Variants in PHF24 observed in about 807,000 individuals in gnomAD.
PHF24 encodes Galpha inhibitory interacting protein.
Under a neutral mutation model 42.6 loss-of-function variants are expected in PHF24, and 25 were observed. The observed-to-expected ratio is 0.59, with a 90% CI of 0.43 to 0.82. PHF24 has a LOEUF of 0.82. Among genes scored for constraint, PHF24 ranks in the 40% least tolerant of loss-of-function variants. PHF24 has a pLI of 0.00. For missense variants in PHF24, 470 were observed against 538.1 expected (o/e 0.87, Z 1.25); for synonymous variants, 185 against 204.8 (o/e 0.90, Z 0.83).
At chr9:34,923,105 A>G in the PHF24 span, among the ~76,000 whole-genome samples, 1 of 150,678 alleles carries the variant, frequency 6.6e-6, no homozygotes, top group Non-Finnish European at 1.5e-5. Flanking sequence ...ATGCTTTTTC[A>G]GCATCAATTG....
At chr9:34,785,951 C>T in the PHF24 span, among the ~76,000 whole-genome samples, 7 of 152,098 alleles carry the variant, frequency 4.6e-5, no homozygotes, top group African/African-American at 1.2e-4. Context: ...ATCTGCATAG[C>T]GTTACAATGT....
the PHF24 span, chr9:34,723,019 A>G: frequency 6.4e-5 from 43 of 668,974 alleles, no homozygotes; most frequent in Non-Finnish European, 9.0e-5. Context: ...CCTTAACACA[A>G]TACAGCAGAG....
At chr9:34,712,260 A>G in the PHF24 span, among the ~76,000 whole-genome samples, 3 of 152,168 alleles carry the variant, frequency 2.0e-5, no homozygotes, top group East Asian at 1.9e-4. Context: ...CAATTTGACT[A>G]TAATTTGTCT....
the PHF24 span, among the ~76,000 whole-genome samples, chr9:34,732,447 T>G: frequency 2.6e-5 from 4 of 152,230 alleles, no homozygotes; most frequent in African/African-American, 9.6e-5. Context: ...TTGTCCATTT[T>G]TCAATAGGAT....
the PHF24 span, among the ~76,000 whole-genome samples, chr9:34,890,604 G>A: frequency 1.3e-5 from 2 of 152,186 alleles, no homozygotes; most frequent in African/African-American, 4.8e-5. Context: ...GGGCCCATGG[G>A]ATGCCTGGTG....
the PHF24 span, among the ~76,000 whole-genome samples, chr9:34,862,034 G>C: frequency 3.9e-5 from 6 of 152,324 alleles, no homozygotes; most frequent in African/African-American, 1.2e-4. Flanking sequence ...GCCTCTTCCA[G>C]GTTGCTTACT....
chr9:34,978,244 C>T (rs1587483649), exon 8 of PHF24: 1 of 650,688 alleles, frequency 1.5e-6, no homozygotes, highest in East Asian at 2.7e-5. Flanking sequence ...TGTCACTAAG[C>T]TTTAAGGCAC....
At chr9:34,777,357 C>G in the PHF24 span, among the ~76,000 whole-genome samples, 1 of 152,100 alleles carries the variant, frequency 6.6e-6, no homozygotes, top group East Asian at 1.9e-4. Flanking sequence ...ATGTGATGGT[C>G]TGGGCAGGCC....
chr9:34,922,208 T>C, the PHF24 span: 22 of 1,591,128 alleles, frequency 1.4e-5, no homozygotes, highest in Non-Finnish European at 1.7e-5. Context: ...CTTCTCCTGC[T>C]TCAGCTTTGT....
At chr9:34,843,838 T>A in the PHF24 span, among the ~76,000 whole-genome samples, 1 of 151,938 alleles carries the variant, frequency 6.6e-6, no homozygotes, top group Non-Finnish European at 1.5e-5. Context: ...TCTGAAAATG[T>A]TGGGATTACA....
the PHF24 span, among the ~76,000 whole-genome samples, chr9:34,927,013 G>T: frequency 6.6e-5 from 10 of 152,274 alleles, no homozygotes; most frequent in African/African-American, 2.4e-4. Context: ...GGGGTGCTGT[G>T]GGGCTGTTTC....
At chr9:34,682,427 G>T in the PHF24 span, among the ~76,000 whole-genome samples, 2 of 152,260 alleles carry the variant, frequency 1.3e-5, no homozygotes, top group Non-Finnish European at 2.9e-5. Context: ...GCTCTGAGTT[G>T]TCTGTCTTTC....
the PHF24 span, among the ~76,000 whole-genome samples, chr9:34,908,880 C>T: frequency 5.5e-5 from 8 of 144,846 alleles, no homozygotes; most frequent in East Asian, 2.0e-4. Flanking sequence ...CAGAGTCTCA[C>T]GTCGTCGCCT....
At chr9:34,818,515 C>T in the PHF24 span, among the ~76,000 whole-genome samples, 1 of 152,204 alleles carries the variant, frequency 6.6e-6, no homozygotes, top group South Asian at 2.1e-4. Context: ...CTTGCATTCC[C>T]ATGGCGTACC....
chr9:34,780,651 C>T, the PHF24 span, among the ~76,000 whole-genome samples: 27 of 152,192 alleles, frequency 1.8e-4, no homozygotes, highest in Middle Eastern at 0.024. Context: ...AATTTGATGT[C>T]ATAAAAATAA....
At chr9:34,952,912 C>T (rs1826296495), upstream of PHF24, among the ~76,000 whole-genome samples, 1 of 152,214 alleles carries the variant, frequency 6.6e-6, no homozygotes, top group Non-Finnish European at 1.5e-5. Context: ...AACAACTGGA[C>T]ATCCATATAC....
At chr9:34,791,302 G>A in the PHF24 span, among the ~76,000 whole-genome samples, 3 of 152,160 alleles carry the variant, frequency 2.0e-5, no homozygotes, top group East Asian at 1.9e-4. Context: ...GAGGGTCAAC[G>A]ATGGCACCAG....
chr9:34,804,719 T>G, the PHF24 span, among the ~76,000 whole-genome samples: 1 of 152,204 alleles, frequency 6.6e-6, no homozygotes, highest in Non-Finnish European at 1.5e-5. Flanking sequence ...TGAGCTATAA[T>G]ATACAGACTA....
chr9:34,950,727 AAGAT>A, the PHF24 span, among the ~76,000 whole-genome samples: 1 of 152,152 alleles, frequency 6.6e-6, no homozygotes, highest in Non-Finnish European at 1.5e-5. Flanking sequence ...GAAAAGGAGA[AAGAT>A]CTTGGGACCA....
Sources: gnomAD v4.1 joint callset for allele counts (sites outside exome capture counted in the v4.1 genomes callset) on GRCh38, gnomAD v4.1.1 for gene constraint, MANE v1.5 for transcripts, NCBI Gene and HGNC (gene_info 2026-07-23, HGNC 2026-07-21) for gene names.